Variants in IQGAP2 observed in about 807,000 individuals in gnomAD.
The protein encoded by IQGAP2 is ras GTPase-activating-like protein IQGAP2.
A neutral mutation model predicts 201.3 loss-of-function variants in IQGAP2; 173 were observed. The observed-to-expected ratio is 0.86, with a 90% CI of 0.76 to 0.98. The LOEUF is 0.98. Ranked by LOEUF, IQGAP2 falls within the 50% of genes least tolerant of loss-of-function variation. The pLI is 0.00. For synonymous variants in IQGAP2, 675 were observed against 673.9 expected (o/e 1.00, Z -0.03); for missense variants, 1,687 against 1,864.8 (o/e 0.90, Z 1.76).
chr5:76,673,875 T>C (rs1412729300), intron 25 of IQGAP2, 77 bp from the exon 26 acceptor site: 7 of 885,774 alleles, frequency 7.9e-6, no homozygotes, highest in Admixed American at 3.9e-5. Flanking sequence ...TGAAGTTGAC[T>C]GGAACAATTG....
At chr5:76,705,919 A>G (rs968640738) in intron 35 of IQGAP2, among the ~76,000 whole-genome samples, 4 of 152,238 alleles carry the variant, frequency 2.6e-5, no homozygotes, top group African/African-American at 9.6e-5. Flanking sequence ...TTTCATGCAT[A>G]TGGCTGGTGT....
chr5:76,683,234 T>A lies in IQGAP2; in HGVS notation c.3763+17T>A. On this transcript the variant is annotated intron_variant, in intron 29 of 35. Transcript: ENST00000274364. The stretch of plus-strand genomic sequence containing the variant: ...CTTTTCTTGGTAAGAGCTTGTTCCT[T>A]CTACTTATCCCTTGGTTTTTGTTTA... 1.3e-6 allele frequency: 2 copies of A among 1,575,248 alleles called. No individual in the cohort carries two copies. The highest frequency in any genetic ancestry group is 1.7e-6 in the Non-Finnish European group (2 of 1,150,882).
chr5:76,569,399 G>C (rs1744957233), intron 3 of IQGAP2, among the ~76,000 whole-genome samples: 1 of 151,378 alleles, frequency 6.6e-6, no homozygotes, highest in Non-Finnish European at 1.5e-5. Context: ...TTCCCAGTTT[G>C]AGTCTATTAA....
At chr5:76,676,533 TA>T (rs1744839194) in intron 27 of IQGAP2, among the ~76,000 whole-genome samples, 1 of 152,250 alleles carries the variant, frequency 6.6e-6, no homozygotes, top group Non-Finnish European at 1.5e-5. Context: ...AAGAATTGTT[TA>T]GGCAAAAAAT....
intron 34 of IQGAP2, among the ~76,000 whole-genome samples, 179 bp downstream of exon 34, chr5:76,701,392 A>G (rs1747378656): frequency 6.6e-6 from 1 of 152,212 alleles, no homozygotes; most frequent in South Asian, 2.1e-4. Flanking sequence ...GCTGTCAGTC[A>G]TATGTAGTGT....
chr5:76,691,209 C>T (rs1296223170), intron 30 of IQGAP2, among the ~76,000 whole-genome samples: 1 of 152,140 alleles, frequency 6.6e-6, no homozygotes, highest in Non-Finnish European at 1.5e-5. Flanking sequence ...ATGAATTCCA[C>T]AGGCCTGGTG....
intron 14 of IQGAP2, among the ~76,000 whole-genome samples, chr5:76,630,815 C>A (rs115581340): frequency 1.6e-3 from 244 of 147,908 alleles, no homozygotes; most frequent in African/African-American, 5.6e-3. Flanking sequence ...TGCTGCCATA[C>A]CTTTTGTTCA....
intron 1 of IQGAP2, among the ~76,000 whole-genome samples, chr5:76,444,873 GA>G (rs1753282287): frequency 6.6e-6 from 1 of 152,088 alleles, no homozygotes; most frequent in Non-Finnish European, 1.5e-5. Context: ...GGAAATAAAA[GA>G]AAATGTAAAT....
At chr5:76,471,182 G>T (rs184029066) in intron 2 of IQGAP2, among the ~76,000 whole-genome samples, 101 of 152,276 alleles carry the variant, frequency 6.6e-4, no homozygotes, top group African/African-American at 2.3e-3. Context: ...GGGAATCTTG[G>T]CAAGGAATGG....
At chr5:76,528,041 T>C (rs1323167001) in intron 2 of IQGAP2, among the ~76,000 whole-genome samples, 1 of 152,222 alleles carries the variant, frequency 6.6e-6, no homozygotes, top group East Asian at 1.9e-4. Context: ...TCTCTGGCCA[T>C]CTAGACCTCA....
intron 2 of IQGAP2, among the ~76,000 whole-genome samples, chr5:76,475,050 A>T (rs1755333164): frequency 6.6e-6 from 1 of 152,104 alleles, no homozygotes; most frequent in Non-Finnish European, 1.5e-5. Context: ...GTACACTATT[A>T]TGCACACTGA....
chr5:76,662,724 C>T (rs777102673), intron 21 of IQGAP2, among the ~76,000 whole-genome samples: 2 of 152,148 alleles, frequency 1.3e-5, no homozygotes, highest in African/African-American at 2.4e-5. Flanking sequence ...ATCAGACAGC[C>T]GCCTGCCTAG....
intron 2 of IQGAP2, among the ~76,000 whole-genome samples, chr5:76,554,381 C>T (rs957311992): frequency 5.9e-5 from 9 of 152,218 alleles, no homozygotes; most frequent in East Asian, 1.9e-4. Flanking sequence ...GAAAAGACGG[C>T]TCACAGAATG....
intron 1 of IQGAP2, among the ~76,000 whole-genome samples, chr5:76,439,926 A>C (rs552955865): frequency 7.2e-5 from 11 of 152,194 alleles, no homozygotes; most frequent in African/African-American, 2.6e-4. Flanking sequence ...TTTCTTTGTT[A>C]TATTAGTGTT....
intron 5 of IQGAP2, among the ~76,000 whole-genome samples, chr5:76,577,502 A>G (rs1368676462): frequency 6.6e-6 from 1 of 152,212 alleles, no homozygotes; most frequent in Non-Finnish European, 1.5e-5. Context: ...GATCTTAAGT[A>G]GGATATTTTA....
At chr5:76,543,684 A>G (rs1742922840) in intron 2 of IQGAP2, among the ~76,000 whole-genome samples, 1 of 152,174 alleles carries the variant, frequency 6.6e-6, no homozygotes, top group Non-Finnish European at 1.5e-5. Flanking sequence ...CTGACTGGGC[A>G]TAGTAGTCAG....
intron 2 of IQGAP2, among the ~76,000 whole-genome samples, chr5:76,493,770 G>A (rs528519785): frequency 1.1e-3 from 174 of 152,168 alleles, no homozygotes; most frequent in Non-Finnish European, 1.8e-3. Context: ...AATATTTGTC[G>A]AATGATTTGT....
chr5:76,704,781 A>G (rs964699288), intron 35 of IQGAP2, among the ~76,000 whole-genome samples: 2 of 152,226 alleles, frequency 1.3e-5, no homozygotes, highest in Non-Finnish European at 2.9e-5. Flanking sequence ...ACTTCTATTT[A>G]TATATGCAGC....
chr5:76,632,344 A>T (rs1189604489), intron 15 of IQGAP2, among the ~76,000 whole-genome samples: 1 of 152,172 alleles, frequency 6.6e-6, no homozygotes, highest in Non-Finnish European at 1.5e-5. Flanking sequence ...GTTTACACTA[A>T]TATTTTCTCT....
Sources: gnomAD v4.1 joint callset for allele counts (sites outside exome capture counted in the v4.1 genomes callset) on GRCh38, gnomAD v4.1.1 for gene constraint, MANE v1.5 for transcripts, NCBI Gene and HGNC (gene_info 2026-07-23, HGNC 2026-07-21) for gene names.